TUBB6: variants seen among roughly 807,000 people sequenced by gnomAD.
The protein encoded by TUBB6 is tubulin beta-6 chain.
TUBB6 carries 18 observed loss-of-function variants against 32.3 expected under a neutral mutation model. The ratio of observed to expected loss-of-function variants is 0.56; its 90% CI spans 0.39 to 0.83. TUBB6 has a LOEUF of 0.83. Ranked by LOEUF, TUBB6 falls within the 40% of genes least tolerant of loss-of-function variation. The probability of loss-of-function intolerance (pLI) is 0.00; values close to 1 mark genes in which losing one functional copy is unlikely to be tolerated. For synonymous variants in TUBB6, 280 were observed against 265.8 expected (o/e 1.05, Z -0.52); for missense variants, 480 against 632.0 (o/e 0.76, Z 2.58).
In TUBB6 at chr18:12,308,275, C is replaced by A; in HGVS notation, c.-18C>A. The A allele has an allele frequency of 1.4e-6, 2 of 1,436,918 alleles. No individual in the cohort carries two copies. The highest frequency in any genetic ancestry group is 1.8e-6 in the Non-Finnish European group (2 of 1,089,534). The allele number at this position is 1,436,918 out of a possible 1,614,324, so 89.0% of individuals were successfully genotyped here. On this transcript the variant is annotated 5_prime_UTR_variant, in exon 1 of 4. Transcript: ENST00000317702. Reference sequence around the variant, plus strand: ...TGTCGTCCGCAGAGCCAGTTCCTAGCGCAGAGCCGCGCCCGCCATGAGGGA... The same window carrying A: ...TGTCGTCCGCAGAGCCAGTTCCTAGAGCAGAGCCGCGCCCGCCATGAGGGA...
intron 3 of TUBB6, chr18:12,324,865 G>T: frequency 7.2e-7 from 1 of 1,394,118 alleles, no homozygotes; most frequent in South Asian, 1.9e-5. Flanking sequence ...CTTTAAAATT[G>T]ACCAGTAGCT....
chr18:12,308,231 G>C (rs1459684010), upstream of TUBB6: 2 of 1,259,680 alleles, frequency 1.6e-6, no homozygotes, highest in South Asian at 3.9e-5. Context: ...GACGCGCGCA[G>C]CCGGCCCGCA....
intron 3 of TUBB6, 127 bp downstream of exon 3, chr18:12,311,180 C>T (rs1020293636): frequency 9.1e-5 from 72 of 789,508 alleles, no homozygotes; most frequent in Non-Finnish European, 1.4e-4. Context: ...TTCCCAGCCC[C>T]ACCCCTCCCA....
rs1009962226 is a variant in TUBB6 at position 12,310,514 on chromosome 18, G to T, written c.167-429G>T. 2.1e-4 allele frequency among the ~76,000 whole-genome samples: 31 copies of T among 149,686 alleles called. No homozygotes were observed. The East Asian group carries it at 3.7e-3, about 18-fold the overall frequency. On this transcript the variant is annotated intron_variant, in intron 2 of 3. Coordinates refer to ENST00000317702, the MANE Select transcript of TUBB6 (RefSeq NM_032525.3). Reference sequence around the variant, plus strand: ...GCAAAAAAAAAAAAAAAAAGACAAGGTCTCACTCTGGAGTACAGTGGCATA... The same window carrying T: ...GCAAAAAAAAAAAAAAAAAGACAAGTTCTCACTCTGGAGTACAGTGGCATA...
intron 3 of TUBB6, among the ~76,000 whole-genome samples, chr18:12,314,938 ACTTTG>A (rs1906589834): frequency 6.8e-6 from 1 of 147,632 alleles, no homozygotes; most frequent in African/African-American, 2.5e-5. Context: ...TTTAATTTGT[ACTTTG>A]CTTTGCTTTT....
At chr18:12,329,112 A>G (rs1222502371), downstream of TUBB6, 4 of 702,646 alleles carry the variant, frequency 5.7e-6, no homozygotes, top group African/African-American at 3.5e-5. Flanking sequence ...TCAAATTAAA[A>G]TGTTCTTATC....
intron 3 of TUBB6, among the ~76,000 whole-genome samples, chr18:12,315,310 A>T (rs1906612175): frequency 6.6e-6 from 1 of 152,220 alleles, no homozygotes; most frequent in African/African-American, 2.4e-5. Context: ...AATATTGAAC[A>T]TCTTGATTCA....
At position 12,325,058 on chromosome 18, in the gene TUBB6, T is replaced by C; in HGVS notation, c.278-9T>C. The C allele has an allele frequency of 2.6e-6, 4 of 1,557,894 alleles. No homozygotes were observed. Among genetic ancestry groups the C allele is most frequent in the Non-Finnish European group, 3.5e-6 (4 of 1,149,138 alleles). On this transcript the variant is annotated splice_polypyrimidine_tract_variant and intron_variant, in intron 3 of 3. Coordinates refer to ENST00000317702, the MANE Select transcript of TUBB6 (RefSeq NM_032525.3). ...CTGTTTAAACGGCACGGGACTCTCTTTGTTGCAGGCCAGACGGGTGCAGGG... is the reference window on the plus strand; with the variant it reads ...CTGTTTAAACGGCACGGGACTCTCTCTGTTGCAGGCCAGACGGGTGCAGGG...
chr18:12,329,635 C>CCTTCT, downstream of TUBB6: 1 of 1,614,144 alleles, frequency 6.2e-7, no homozygotes, highest in Non-Finnish European at 8.5e-7. Flanking sequence ...GTCCTTAAGG[C>CCTTCT]CTTCTGGAAG....
chr18:12,311,035 C>A lies in TUBB6; in HGVS notation c.259C>A (p.Pro87Thr). 1 of 1,613,126 alleles carries A rather than the reference C, an allele frequency of 6.2e-7. No individual in the cohort carries two copies. Among genetic ancestry groups the A allele is most frequent in the East Asian group, 2.2e-5 (1 of 44,854 alleles). The change falls in exon 3 of 4, where the codon CCT (proline) becomes ACT (threonine). Residue 87 changes from proline to threonine, a missense_variant. By Grantham distance (38) the Pro-to-Thr change is conservative (BLOSUM62 -1). Transcript: ENST00000317702. ...RSGPFGQLFR[P>T]DNFIFGQTGA... ...TGGGCCTTTTGGGCAGCTTTTCCGG[C>A]CTGACAACTTCATCTTTGGTAGGTT... is the stretch of plus-strand genomic sequence containing the variant.
In TUBB6 at chr18:12,325,121, A is replaced by G; in HGVS notation, c.332A>G (p.Glu111Gly). 6.2e-7 allele frequency: 1 copy of G among 1,604,238 alleles called. No individual in the cohort carries two copies. The highest frequency in any genetic ancestry group is 8.5e-7 in the Non-Finnish European group (1 of 1,173,784). ...WAKGHYTEGA[E>G]LVDAVLDVVR... Reference sequence around the variant, plus strand: ...AAAGGGCACTACACGGAGGGCGCGGAGCTGGTGGACGCAGTGCTGGACGTG... The same window carrying G: ...AAAGGGCACTACACGGAGGGCGCGGGGCTGGTGGACGCAGTGCTGGACGTG... The change falls in exon 4 of 4, where the codon GAG becomes GGG. Residue 111 changes from glutamate (E) to glycine (G), a missense_variant. Physicochemically the swap from Glu to Gly is moderately conservative, Grantham distance 98 (BLOSUM62 -2). Coordinates refer to ENST00000317702, the MANE Select transcript of TUBB6 (RefSeq NM_032525.3).
In TUBB6 at chr18:12,308,313, C is replaced by A; in HGVS notation, c.21C>A (p.Ile7=). 1 of 1,482,476 alleles carries A rather than the reference C, an allele frequency of 6.7e-7. No homozygotes were observed. The highest frequency in any genetic ancestry group is 2.1e-5 in the Admixed American group (1 of 48,410). 91.8% of individuals were successfully genotyped at this position (1,482,476 alleles called of 1,614,324 possible). A position where few individuals can be genotyped will look rare whatever the true frequency, so the allele number is the denominator to read the frequency against. Residue 7 remains isoleucine, a synonymous_variant, in exon 1 of 4, where the codon ATC becomes ATA. Transcript: ENST00000317702. MREIVH[I]QAGQCGNQIG... ...CCGCCATGAGGGAGATCGTGCACAT[C>A]CAGGCGGGCCAGTGCGGGAACCAGA... is the stretch of plus-strand genomic sequence containing the variant.
intron 3 of TUBB6, among the ~76,000 whole-genome samples, chr18:12,323,096 TC>T (rs1340491792): frequency 6.6e-6 from 1 of 152,160 alleles, no homozygotes; most frequent in African/African-American, 2.4e-5. Flanking sequence ...GTGCCTGTAG[TC>T]CCTGCTACTC....
At chr18:12,323,202 G>A (rs1210313432) in intron 3 of TUBB6, among the ~76,000 whole-genome samples, 1 of 152,012 alleles carries the variant, frequency 6.6e-6, no homozygotes. Flanking sequence ...GTGACAGAGC[G>A]AGACCTTGTC....
chr18:12,311,237 C>CT, intron 3 of TUBB6, 184 bp downstream of exon 3: 1 of 486,700 alleles, frequency 2.1e-6, no homozygotes, highest in Non-Finnish European at 3.6e-6. Context: ...TAAATCTTGA[C>CT]TTTTTTGGTG....
In TUBB6 at chr18:12,308,358, G is replaced by T; in HGVS notation, c.57+9G>T. The T allele has an allele frequency of 6.8e-7, 1 of 1,466,918 alleles. No individual in the cohort carries two copies. Among genetic ancestry groups the T allele is most frequent in the South Asian group, 1.3e-5 (1 of 76,088 alleles). 90.9% of individuals were successfully genotyped at this position (1,466,918 alleles called of 1,614,324 possible). On this transcript the variant is annotated intron_variant, in intron 1 of 3. Coordinates refer to ENST00000317702, the MANE Select transcript of TUBB6 (RefSeq NM_032525.3). Reference sequence around the variant, plus strand: ...ACCAGATCGGCACCAAGGTGGGCCTGGCGCGGTGCAGGGCCTCTCCGCGGG... The same window carrying T: ...ACCAGATCGGCACCAAGGTGGGCCTTGCGCGGTGCAGGGCCTCTCCGCGGG...
chr18:12,325,257 TGAG>T lies in TUBB6; in HGVS notation c.472_474del (p.Glu158del). ...GCACGCTGCTCATCAGCAAGATCCG[TGAG>T]GAGTTCCCGGACCGCATCATGAACA... On this transcript the variant is annotated inframe_deletion, in exon 4 of 4. Transcript: ENST00000317702. The T allele has an allele frequency of 6.2e-7, 1 of 1,614,120 alleles. No homozygotes were observed. Among genetic ancestry groups the T allele is most frequent in the Non-Finnish European group, 8.5e-7 (1 of 1,180,008 alleles).
intron 3 of TUBB6, among the ~76,000 whole-genome samples, chr18:12,318,185 G>A (rs1290342324): frequency 1.3e-5 from 2 of 151,808 alleles, no homozygotes; most frequent in Admixed American, 6.6e-5. Context: ...TTCTAGCACC[G>A]AGTGTGGACC....
chr18:12,324,227 A>G (rs1208876386), intron 3 of TUBB6, among the ~76,000 whole-genome samples: 2 of 152,038 alleles, frequency 1.3e-5, no homozygotes, highest in African/African-American at 4.8e-5. Context: ...AATATTAGCC[A>G]GGAGTGGTGG....
Sources: allele counts gnomAD v4.1 joint callset (sites outside exome capture counted in the v4.1 genomes callset), GRCh38; gene constraint gnomAD v4.1.1; transcripts MANE v1.5; gene names NCBI Gene and HGNC (gene_info 2026-07-23, HGNC 2026-07-21).